The following SYNDIG1 variants were observed in gnomAD, a reference collection of about 807,000 sequenced individuals.
SYNDIG1 encodes the protein synapse differentiation inducing 1.
Under a neutral mutation model 19.4 loss-of-function variants are expected in SYNDIG1, and 9 were observed. That is an observed-to-expected ratio of 0.46 (90% CI 0.28 to 0.81). The LOEUF is 0.81. Ranked by LOEUF, SYNDIG1 falls within the 30% of genes least tolerant of loss-of-function variation. The pLI is 0.12. For synonymous variants in SYNDIG1, 141 were observed against 145.9 expected (o/e 0.97, Z 0.24); for missense variants, 311 against 343.3 (o/e 0.91, Z 0.74).
At chr20:24,603,666 G>A (rs1189001808) in intron 3 of SYNDIG1, among the ~76,000 whole-genome samples, 1 of 152,182 alleles carries the variant, frequency 6.6e-6, no homozygotes, top group East Asian at 1.9e-4. Context: ...TCTCAGCGAG[G>A]AAGCATTGCA....
At chr20:24,581,868 C>T (rs915125888) in intron 2 of SYNDIG1, among the ~76,000 whole-genome samples, 9 of 150,836 alleles carry the variant, frequency 6.0e-5, no homozygotes, top group African/African-American at 2.0e-4. Flanking sequence ...CAGGTCCTCA[C>T]CCCTGCAAGT....
At chr20:24,506,832 C>G (rs1225679453) in intron 1 of SYNDIG1, among the ~76,000 whole-genome samples, 1 of 152,174 alleles carries the variant, frequency 6.6e-6, no homozygotes, top group Non-Finnish European at 1.5e-5. Context: ...CCTGTGGGCC[C>G]CAGTCACATG....
At chr20:24,535,799 T>G (rs1047285649) in intron 1 of SYNDIG1, among the ~76,000 whole-genome samples, 5 of 152,206 alleles carry the variant, frequency 3.3e-5, no homozygotes, top group Admixed American at 3.3e-4. Flanking sequence ...TTATTAAGCA[T>G]ACAAGCATGA....
chr20:24,635,080 G>A lies in SYNDIG1; in HGVS notation c.619-30266G>A, dbSNP rs534830967. Among the ~76,000 whole-genome samples the A allele has an allele frequency of 2.0e-5, 3 of 152,336 alleles. No homozygotes were observed. In the South Asian group the frequency reaches 6.2e-4, roughly 32 times the overall value. The stretch of plus-strand genomic sequence containing the variant: ...GAGGGGGCGCAGCTGGGGACAGCAC[G>A]GGCTTCTGCCCACTCCTCACCCTGC... On this transcript the variant is annotated intron_variant, in intron 3 of 3. Transcript: ENST00000376862.
intron 3 of SYNDIG1, among the ~76,000 whole-genome samples, chr20:24,634,668 A>T (rs189715957): frequency 1.3e-5 from 2 of 152,270 alleles, no homozygotes; most frequent in Non-Finnish European, 2.9e-5. Context: ...TCCCGTATAA[A>T]TTTCTAGTTC....
chr20:24,582,798 G>A (rs2058352460), intron 2 of SYNDIG1, among the ~76,000 whole-genome samples: 1 of 152,240 alleles, frequency 6.6e-6, no homozygotes, highest in South Asian at 2.1e-4. Context: ...TGGCTCCGTG[G>A]ACAGAGGCTT....
intron 2 of SYNDIG1, among the ~76,000 whole-genome samples, chr20:24,563,115 A>G (rs949390945): frequency 6.6e-6 from 1 of 152,226 alleles, no homozygotes; most frequent in African/African-American, 2.4e-5. Flanking sequence ...AAAATCCAGT[A>G]CCAATAAAAA....
chr20:24,514,667 T>C (rs1000251945), intron 1 of SYNDIG1, among the ~76,000 whole-genome samples: 2 of 152,120 alleles, frequency 1.3e-5, no homozygotes, highest in Non-Finnish European at 2.9e-5. Context: ...CTCCCATGCA[T>C]TAATAATGGG....
At position 24,543,491 on chromosome 20, in the gene SYNDIG1, A is replaced by G; in HGVS notation, c.394A>G (p.Lys132Glu). Residue 132 changes from lysine (K) to glutamate (E), a missense_variant, in exon 2 of 4, where the codon AAG becomes GAG. Transcript: ENST00000376862. ...AGACAGCCTCGAGTACCCGGATGGG[A>G]AGTTCATTGACCTCTCAGCTGATGA... The part of the protein sequence containing the change: ...TKDSLEYPDG[K>E]FIDLSADDIK... 4 of 1,612,370 alleles carry G rather than the reference A, an allele frequency of 2.5e-6. No homozygotes were observed. Among genetic ancestry groups the G allele is most frequent in the South Asian group, 2.2e-5 (2 of 91,048 alleles).
intron 2 of SYNDIG1, among the ~76,000 whole-genome samples, chr20:24,562,864 A>C (rs2057972854): frequency 6.6e-6 from 1 of 152,354 alleles, no homozygotes; most frequent in Admixed American, 6.5e-5. Flanking sequence ...GGCTATAACT[A>C]TTATAATGAA....
intron 3 of SYNDIG1, among the ~76,000 whole-genome samples, chr20:24,665,030 G>T (rs2059635360): frequency 6.6e-6 from 1 of 152,204 alleles, no homozygotes; most frequent in Non-Finnish European, 1.5e-5. Context: ...CAGTACTCGT[G>T]CTGGAGATCC....
At chr20:24,471,129 C>T (rs1213803992) in intron 1 of SYNDIG1, among the ~76,000 whole-genome samples, 1 of 152,086 alleles carries the variant, frequency 6.6e-6, no homozygotes, top group Non-Finnish European at 1.5e-5. Context: ...GCTGCGTAGA[C>T]CTGCGCCTGT....
intron 2 of SYNDIG1, 21 bp downstream of exon 2, chr20:24,543,598 G>A: frequency 6.3e-7 from 1 of 1,593,486 alleles, no homozygotes; most frequent in Non-Finnish European, 8.5e-7. Flanking sequence ...GTGTTTGTCA[G>A]AGGCCCTCTA....
At chr20:24,471,193 G>T (rs978825675) in intron 1 of SYNDIG1, among the ~76,000 whole-genome samples, 10 of 152,082 alleles carry the variant, frequency 6.6e-5, no homozygotes, top group African/African-American at 2.4e-4. Flanking sequence ...GTGCTAGGCT[G>T]CGACCTCAAG....
At chr20:24,598,190 G>A (rs2058625408) in intron 3 of SYNDIG1, among the ~76,000 whole-genome samples, 1 of 152,224 alleles carries the variant, frequency 6.6e-6, no homozygotes, top group African/African-American at 2.4e-5. Context: ...TGCAGGGTAT[G>A]GAGTGGAGGG....
intron 2 of SYNDIG1, among the ~76,000 whole-genome samples, chr20:24,578,524 A>C (rs1366874389): frequency 6.6e-6 from 1 of 152,094 alleles, no homozygotes; most frequent in Non-Finnish European, 1.5e-5. Flanking sequence ...TATCACGTGA[A>C]TGCAGAGAAG....
intron 3 of SYNDIG1, among the ~76,000 whole-genome samples, chr20:24,624,313 A>C (rs2059087736): frequency 6.6e-6 from 1 of 151,994 alleles, no homozygotes; most frequent in Admixed American, 6.6e-5. Flanking sequence ...AACCTACTTT[A>C]AATATAAAGA....
At chr20:24,552,853 TTTC>T (rs1303957218) in intron 2 of SYNDIG1, among the ~76,000 whole-genome samples, 7 of 152,238 alleles carry the variant, frequency 4.6e-5, no homozygotes, top group African/African-American at 1.7e-4. Flanking sequence ...TCAAATGGTA[TTTC>T]TAGTTCTAGA....
At position 24,538,411 on chromosome 20, in the gene SYNDIG1, C is replaced by T. The variant is rs6114762; in HGVS notation, c.-78-4609C>T. On this transcript the variant is annotated intron_variant, in intron 1 of 3. Transcript: ENST00000376862. ...TAGAGTAATGTCCTCAAGGTCCATC[C>T]ATGCTGTGGCCTATGTGAGAATTCC... is the stretch of plus-strand genomic sequence containing the variant. 9.8e-3 allele frequency among the ~76,000 whole-genome samples: 1,487 copies of T among 152,284 alleles called. 26 individuals carry two copies. The highest frequency in any genetic ancestry group is 0.034 in the African/African-American group (1,405 of 41,552).
Sources: allele counts gnomAD v4.1 joint callset (sites outside exome capture counted in the v4.1 genomes callset), GRCh38; gene constraint gnomAD v4.1.1; transcripts MANE v1.5; gene names NCBI Gene and HGNC (gene_info 2026-07-23, HGNC 2026-07-21).